The following IRX4 variants were observed in gnomAD, a reference collection of about 807,000 sequenced individuals.
IRX4 encodes the protein iroquois-class homeodomain protein IRX-4.
Under a neutral mutation model 32.0 loss-of-function variants are expected in IRX4, and 22 were observed. That is an observed-to-expected ratio of 0.69 (90% confidence interval 0.49 to 0.98). IRX4 has a LOEUF of 0.98. Among genes scored for constraint, IRX4 ranks in the 50% least tolerant of loss-of-function variants. The probability of loss-of-function intolerance (pLI) is 0.00; values close to 1 mark genes in which losing one functional copy is unlikely to be tolerated. For synonymous variants in IRX4, 379 were observed against 351.7 expected, an observed-to-expected ratio of 1.08 and a Z score of -0.87; for missense variants, 840 against 744.2, an observed-to-expected ratio of 1.13 and a Z score of -1.50.
chr5:1,879,923 A>G, intron 3 of IRX4, 91 bp from the exon 4 acceptor site: 2 of 1,565,358 alleles, frequency 1.3e-6, no homozygotes, highest in Non-Finnish European at 8.6e-7. Flanking sequence ...GGGGCATGCC[A>G]GGATGGGCTT....
rs1253523490 is a variant in IRX4, at chr5:1,878,185, G to A, written c.1344C>T (p.Leu448=). The change falls in exon 5 of 5, where the codon CTC becomes CTT. Residue 448 remains leucine (L), a synonymous_variant. Transcript: ENST00000231357. ...AGGCCTGGTTCAAAGTGCTGTGCCT[G>A]AGGATGGGGTCGTGGAAGACCCCGT... is the stretch of plus-strand genomic sequence containing the variant. The part of the protein sequence containing the change: ...WVDGVFHDPI[L]RHSTLNQAWA... The A allele has an allele frequency of 1.3e-6, 2 of 1,593,070 alleles. No homozygotes were observed. The highest frequency in any genetic ancestry group is 1.1e-5 in the South Asian group (1 of 87,900).
chr5:1,887,105 GCGC>G (rs1313169246), upstream of IRX4: 1 of 151,462 alleles, frequency 6.6e-6, no homozygotes, highest in Non-Finnish European at 1.5e-5. Context: ...CGAGGGCTCC[GCGC>G]GGAAGCTCGG....
At position 1,882,823 on chromosome 5, in the gene IRX4, A is replaced by G; in HGVS notation, c.-176T>C. On this transcript the variant is annotated 5_prime_UTR_variant, in exon 1 of 5. Transcript: ENST00000231357. ...ACTTTTCTAACCGGGTAACAAAGTGAGCAGCGGTGGCCGCCGCGATTCCTT... is the reference window on the plus strand; with the variant it reads ...ACTTTTCTAACCGGGTAACAAAGTGGGCAGCGGTGGCCGCCGCGATTCCTT... The G allele has an allele frequency of 2.4e-6, 1 of 411,056 alleles. No homozygotes were observed. 25.5% of individuals were successfully genotyped at this position (411,056 alleles called of 1,614,324 possible).
chr5:1,881,633 TG>T (rs2111446419), intron 2 of IRX4, among the ~76,000 whole-genome samples, 174 bp downstream of exon 2: 1 of 66,388 alleles, frequency 1.5e-5, no homozygotes, highest in South Asian at 5.8e-4. Context: ...TCCCAGGGGG[TG>T]GGGGTGGGGT....
chr5:1,879,062 G>C (rs1735328708), intron 4 of IRX4, among the ~76,000 whole-genome samples: 1 of 151,350 alleles, frequency 6.6e-6, no homozygotes, highest in Non-Finnish European at 1.5e-5. Context: ...CGCGATCTCA[G>C]CTCACTGCAA....
At chr5:1,879,441 G>T (rs958893241) in intron 4 of IRX4, 63 bp downstream of exon 4, 4 of 1,610,042 alleles carry the variant, frequency 2.5e-6, no homozygotes, top group Non-Finnish European at 2.5e-6. Context: ...TCCTAGAACC[G>T]CAGAGAAGGC....
intron 2 of IRX4, 64 bp downstream of exon 2, chr5:1,881,744 G>C: frequency 6.5e-7 from 1 of 1,545,926 alleles, no homozygotes; most frequent in Non-Finnish European, 8.8e-7. Context: ...GCCTACTGGG[G>C]CAAAAGTGGG....
At chr5:1,881,696 C>T in intron 2 of IRX4, 112 bp downstream of exon 2, 1 of 1,338,748 alleles carries the variant, frequency 7.5e-7, no homozygotes, top group Non-Finnish European at 1.0e-6. Flanking sequence ...AAGGTGAGCG[C>T]CTCCCCTCTG....
chr5:1,880,957 C>A, intron 2 of IRX4, 123 bp from the exon 3 acceptor site: 2 of 760,698 alleles, frequency 2.6e-6, no homozygotes, highest in South Asian at 2.9e-5. Context: ...TACGCCCCGG[C>A]AGGAAGGAGC....
chr5:1,881,916 C>T lies in IRX4; in HGVS notation c.189G>A (p.Glu63=). ...CGCCCAGCGCCGCGGCCGAGTTGAGCTCGTGGCGCGCGGTGGCCAGCAGCC... is the reference window on the plus strand; with the variant it reads ...CGCCCAGCGCCGCGGCCGAGTTGAGTTCGTGGCGCGCGGTGGCCAGCAGCC... ...ESRLLATARH[E]LNSAAALGVY... Residue 63 remains glutamate, a synonymous_variant, in exon 2 of 5, where the codon GAG becomes GAA. Transcript: ENST00000231357. 1 of 1,582,410 alleles carries T rather than the reference C, an allele frequency of 6.3e-7. No homozygotes were observed. The highest frequency in any genetic ancestry group is 1.3e-5 in the African/African-American group (1 of 74,134).
chr5:1,878,034 C>G lies in IRX4; in HGVS notation c.1495G>C (p.Ala499Pro). ...AGCAGCTCCCTGGCGGCGCCTGCAG[C>G]TGGGGCGTCCTGGGGCACGGCAGGC... Reference protein sequence around the residue: ...FPPAVPQDAPAAGAARELLAL... With the variant: ...FPPAVPQDAPPAGAARELLAL... Residue 499 changes from alanine (A) to proline (P), a missense_variant, in exon 5 of 5, where the codon GCT (alanine) becomes CCT (proline). Physicochemically the swap from Ala to Pro is conservative, Grantham distance 27 (BLOSUM62 -1). Coordinates refer to ENST00000231357, the MANE Select transcript of IRX4 (RefSeq NM_016358.3). 6 of 1,508,726 alleles carry G rather than the reference C, an allele frequency of 4.0e-6. No homozygotes were observed. The highest frequency in any genetic ancestry group is 5.3e-6 in the Non-Finnish European group (6 of 1,134,006). The allele number at this position is 1,508,726 out of a possible 1,614,324, so 93.5% of individuals were successfully genotyped here.
chr5:1,881,074 GGGGAGGAGGTGCAGTGTGGGGA>G, intron 2 of IRX4: 2 of 369,854 alleles, frequency 5.4e-6, no homozygotes. Flanking sequence ...GGGGGGCGGG[GGGGAGGAGGTGCAGTGTGGGGA>G]GCGGGGATGT....
upstream of IRX4, among the ~76,000 whole-genome samples, chr5:1,884,876 G>A (rs572971582): frequency 1.5e-5 from 2 of 136,236 alleles, no homozygotes; most frequent in East Asian, 2.2e-4. Context: ...GCAGTTTTCT[G>A]GTTTTTCCCG....
intron 2 of IRX4, 92 bp downstream of exon 2, chr5:1,881,715 CG>C: frequency 6.7e-7 from 1 of 1,482,678 alleles, no homozygotes; most frequent in South Asian, 1.2e-5. Flanking sequence ...TGTGACAGTC[CG>C]GGGACCCGGA....
chr5:1,878,176 G>A lies in IRX4; in HGVS notation c.1353C>T (p.Ser451=). ...CGGTGGCCCAGGCCTGGTTCAAAGT[G>A]CTGTGCCTGAGGATGGGGTCGTGGA... ...GVFHDPILRH[S]TLNQAWATAK... is the part of the protein sequence containing the mutation. Residue 451 remains serine, a synonymous_variant, in exon 5 of 5, where the codon AGC becomes AGT. Coordinates refer to ENST00000231357, the MANE Select transcript of IRX4 (RefSeq NM_016358.3). 1 of 1,587,056 alleles carries A rather than the reference G, an allele frequency of 6.3e-7. No individual in the cohort carries two copies. Among genetic ancestry groups the A allele is most frequent in the Non-Finnish European group, 8.6e-7 (1 of 1,169,078 alleles).
rs1422090067 is a variant in IRX4, at chr5:1,879,571, C to T, written c.669G>A (p.Glu223=). ...KCADEKRPYA[E]GEEEEGGEEE... The stretch of plus-strand genomic sequence containing the variant: ...CCTCGCCCCCCTCCTCCTCCTCGCC[C>T]TCCGCGTAGGGCCGCTTCTCGTCTG... Residue 223 remains glutamate (E), a synonymous_variant, in exon 4 of 5, where the codon GAG becomes GAA. Coordinates refer to ENST00000231357, the MANE Select transcript of IRX4 (RefSeq NM_016358.3). 6.2e-7 allele frequency: 1 copy of T among 1,613,828 alleles called. No individual in the cohort carries two copies. Among genetic ancestry groups the T allele is most frequent in the South Asian group, 1.1e-5 (1 of 91,080 alleles).
chr5:1,879,734 T>C lies in IRX4; in HGVS notation c.506A>G (p.Tyr169Cys). The C allele has an allele frequency of 6.2e-7, 1 of 1,614,148 alleles. No individual in the cohort carries two copies. Among genetic ancestry groups the C allele is most frequent in the Non-Finnish European group, 8.5e-7 (1 of 1,180,020 alleles). The change falls in exon 4 of 5, where the codon TAC becomes TGC. Residue 169 changes from tyrosine (Y) to cysteine (C), a missense_variant. Tyr to Cys is a radical substitution (Grantham distance 194). This residue lies in a region of IRX4 where 14 missense variants were observed against 35.4 expected (regional missense o/e 0.40). Coordinates refer to ENST00000231357, the MANE Select transcript of IRX4 (RefSeq NM_016358.3). Reference sequence around the variant, plus strand: ...CATGATCTTCTCGCCCTTGGTGGGGTAGGGGTTCTTGCGGTGCTCCTGCAG... The same window carrying C: ...CATGATCTTCTCGCCCTTGGTGGGGCAGGGGTTCTTGCGGTGCTCCTGCAG... Reference protein sequence around the residue: ...AWLQEHRKNPYPTKGEKIMLA... With the variant: ...AWLQEHRKNPCPTKGEKIMLA...
intron 3 of IRX4, 118 bp downstream of exon 3, chr5:1,880,607 T>C: frequency 1.4e-6 from 1 of 706,884 alleles, no homozygotes; most frequent in Non-Finnish European, 2.5e-6. Flanking sequence ...GACCTAAGAG[T>C]GTCTCTCTTC....
At chr5:1,881,136 A>G in intron 2 of IRX4, 1 of 437,988 alleles carries the variant, frequency 2.3e-6, no homozygotes, top group South Asian at 2.3e-5. Context: ...GGGAAGCCAG[A>G]AAGAACTGGG....
Sources: allele counts gnomAD v4.1 joint callset (sites outside exome capture counted in the v4.1 genomes callset), GRCh38; gene constraint gnomAD v4.1.1; regional missense constraint gnomAD v4.1.1; transcripts MANE v1.5; gene names NCBI Gene and HGNC (gene_info 2026-07-23, HGNC 2026-07-21).